AUTS2: variants seen among roughly 807,000 people sequenced by gnomAD.
AUTS2 encodes autism susceptibility gene 2 protein.
In AUTS2, 17 loss-of-function variants were observed where a neutral mutation model predicts 112.4. The ratio of observed to expected loss-of-function variants is 0.15; its 90% CI spans 0.10 to 0.23. The LOEUF is 0.23. Ranked by LOEUF, AUTS2 falls within the 10% of genes least tolerant of loss-of-function variation. The pLI is 1.00. For missense variants in AUTS2, 1,510 were observed against 1,701.6 expected (o/e 0.89, Z 1.98); for synonymous variants, 751 against 702.7 (o/e 1.07, Z -1.09).
Position 69,746,562 on chromosome 7 carries a change from A to C in AUTS2, c.309+146600A>C, listed in dbSNP as rs569142477. ...TGGAATGAGCTGCGCAACTCTTCTT[A>C]GGAGAACATTAGTCTGGGTGGAGAC... On this transcript the variant is annotated intron_variant, in intron 1 of 18. Transcript: ENST00000342771. Among the ~76,000 whole-genome samples the C allele has an allele frequency of 6.6e-5, 10 of 152,274 alleles. No individual in the cohort carries two copies. In the East Asian group the frequency reaches 1.9e-3, roughly 29 times the overall value.
intron 2 of AUTS2, among the ~76,000 whole-genome samples, chr7:70,000,791 A>G (rs2129552669): frequency 6.6e-6 from 1 of 152,330 alleles, no homozygotes; most frequent in Admixed American, 6.5e-5. Context: ...TCAGATTAGC[A>G]GATGGCACCA....
chr7:70,135,183 A>G (rs1004373707), intron 4 of AUTS2, among the ~76,000 whole-genome samples: 2 of 152,188 alleles, frequency 1.3e-5, no homozygotes, highest in African/African-American at 4.8e-5. Flanking sequence ...GATTATCACA[A>G]TATTGTGATA....
rs1230448055 is a variant in AUTS2, at chr7:70,177,832, T to C, written c.660+43261T>C. 2.5e-5 allele frequency among the ~76,000 whole-genome samples: 3 copies of C among 119,154 alleles called. No homozygotes were observed. The East Asian group carries it at 7.4e-4, about 29-fold the overall frequency. 78.2% of individuals were successfully genotyped at this position (119,154 alleles called of 152,430 possible). A position where few individuals can be genotyped will look rare whatever the true frequency, so the allele number is the denominator to read the frequency against. ...TCTGCATTCTCATTGTTTGGACTTT[T>C]TTCAAATCATTGCTAATACACTGGT... is the stretch of plus-strand genomic sequence containing the variant. On this transcript the variant is annotated intron_variant, in intron 4 of 18. Coordinates refer to ENST00000342771, the MANE Select transcript of AUTS2 (RefSeq NM_015570.4).
chr7:69,791,045 G>A (rs557502964), intron 1 of AUTS2, among the ~76,000 whole-genome samples: 1 of 152,318 alleles, frequency 6.6e-6, no homozygotes, highest in South Asian at 2.1e-4. Context: ...GTTGAGCAGG[G>A]ATCTTCTTGA....
intron 2 of AUTS2, among the ~76,000 whole-genome samples, chr7:70,030,370 C>T (rs945180197): frequency 1.3e-5 from 2 of 152,130 alleles, no homozygotes; most frequent in Admixed American, 6.6e-5. Flanking sequence ...TGTTAAAGCT[C>T]AGACTTATTT....
At chr7:69,978,859 A>AACACACACACAC (rs71068004) in intron 2 of AUTS2, among the ~76,000 whole-genome samples, 1,944 of 129,674 alleles carry the variant, frequency 0.015, 39 homozygotes, top group East Asian at 0.05. Flanking sequence ...TCAAAGAAAC[A>AACACACACACAC]ACACACACAC....
chr7:69,952,764 A>G (rs1797075321), intron 2 of AUTS2, among the ~76,000 whole-genome samples: 1 of 152,204 alleles, frequency 6.6e-6, no homozygotes, highest in Non-Finnish European at 1.5e-5. Context: ...GGCTTTTGGT[A>G]AGACATTAAT....
rs146400431 is a variant in AUTS2, at chr7:70,111,803, A to C, written c.523-6329A>C. Among the ~76,000 whole-genome samples the C allele has an allele frequency of 1.9e-3, 294 of 152,240 alleles. 1 individual carries two copies. The highest frequency in any genetic ancestry group is 6.3e-3 in the African/African-American group (262 of 41,564). ...TTTAGACTGCTTAATTATGGTTTTG[A>C]AAGTATCACTGTAGAATGTTTACTT... On this transcript the variant is annotated intron_variant, in intron 2 of 18. Coordinates refer to ENST00000342771, the MANE Select transcript of AUTS2 (RefSeq NM_015570.4).
chr7:70,330,082 G>A (rs765885341), intron 4 of AUTS2, among the ~76,000 whole-genome samples: 38 of 152,116 alleles, frequency 2.5e-4, no homozygotes, highest in Non-Finnish European at 5.1e-4. Flanking sequence ...CTATTGCATT[G>A]GAGATTAAAT....
chr7:70,476,246 A>AT (rs1797576910), intron 5 of AUTS2, among the ~76,000 whole-genome samples: 1 of 152,046 alleles, frequency 6.6e-6, no homozygotes, highest in African/African-American at 2.4e-5. Context: ...AGGACAAATG[A>AT]TTCGTCCAGT....
rs528009205 is a variant in AUTS2 at position 70,108,783 on chromosome 7, C to CAAAAAAAAAAAAAA, written c.523-9331_523-9318dup. Among the ~76,000 whole-genome samples the CAAAAAAAAAAAAAA allele has an allele frequency of 5.8e-5, 4 of 69,184 alleles. 1 individual carries two copies. Among genetic ancestry groups the CAAAAAAAAAAAAAA allele is most frequent in the Admixed American group, 1.6e-4 (1 of 6,100 alleles). The allele number at this position is 69,184 out of a possible 152,430, so 45.4% of individuals were successfully genotyped here. A position where few individuals can be genotyped will look rare whatever the true frequency, so the allele number is the denominator to read the frequency against. On this transcript the variant is annotated intron_variant, in intron 2 of 18. Transcript: ENST00000342771. ...TTCCAGACCAGCCTGGCCAACATGGCAAAAAAAAAAAAAAAAAAAAAAAAA... is the reference window on the plus strand; with the variant it reads ...TTCCAGACCAGCCTGGCCAACATGGCAAAAAAAAAAAAAAAAAAAAAAAAAAAAAAAAAAAAAAA...
intron 2 of AUTS2, among the ~76,000 whole-genome samples, chr7:70,078,173 A>G (rs1191875218): frequency 6.6e-6 from 1 of 152,070 alleles, no homozygotes; most frequent in Non-Finnish European, 1.5e-5. Context: ...ATGTTCCAAG[A>G]CACCCAGTGG....
chr7:70,234,005 A>G lies in AUTS2; in HGVS notation c.660+99434A>G, dbSNP rs368560454. On this transcript the variant is annotated intron_variant, in intron 4 of 18. Coordinates refer to ENST00000342771, the MANE Select transcript of AUTS2 (RefSeq NM_015570.4). The stretch of plus-strand genomic sequence containing the variant: ...GCTTTTGAAGTGATCAAACTAAAAG[A>G]GAAAACAAAGCTCATGGCTGAAGTC... 2.5e-3 allele frequency among the ~76,000 whole-genome samples: 380 copies of G among 152,358 alleles called. 8 individuals carry two copies. The highest frequency in any genetic ancestry group is 0.019 in the South Asian group (90 of 4,830).
intron 2 of AUTS2, among the ~76,000 whole-genome samples, chr7:69,910,293 C>T (rs1159960016): frequency 6.6e-6 from 1 of 152,188 alleles, no homozygotes; most frequent in Non-Finnish European, 1.5e-5. Context: ...TGCTCATGCT[C>T]ACTGGGCACT....
chr7:70,002,191 G>C (rs765477052), intron 2 of AUTS2, among the ~76,000 whole-genome samples: 1 of 152,160 alleles, frequency 6.6e-6, no homozygotes, highest in Non-Finnish European at 1.5e-5. Flanking sequence ...TTTAGCAAGA[G>C]GTCTGGGCCA....
At chr7:69,829,393 G>A (rs979166575) in intron 1 of AUTS2, among the ~76,000 whole-genome samples, 1 of 152,088 alleles carries the variant, frequency 6.6e-6, no homozygotes, top group Non-Finnish European at 1.5e-5. Context: ...ATGGACAAAT[G>A]GGATCTAATT....
chr7:70,198,281 C>T (rs950604066), intron 4 of AUTS2, among the ~76,000 whole-genome samples: 7 of 149,616 alleles, frequency 4.7e-5, no homozygotes, highest in Non-Finnish European at 7.5e-5. Context: ...AAACGCAGAG[C>T]GCCTCTCCTC....
chr7:70,211,118 A>C (rs1810859772), intron 4 of AUTS2, among the ~76,000 whole-genome samples: 1 of 152,142 alleles, frequency 6.6e-6, no homozygotes, highest in South Asian at 2.1e-4. Flanking sequence ...TCGGTGCTTC[A>C]TGTGAGATGG....
chr7:69,879,371 A>G (rs6963101), intron 1 of AUTS2, among the ~76,000 whole-genome samples: 36,832 of 147,602 alleles, frequency 0.25, 4,519 homozygotes, highest in Middle Eastern at 0.34. Context: ...GCTGATCCTG[A>G]CCTCCTGGGC....
Sources: allele counts gnomAD v4.1 joint callset (sites outside exome capture counted in the v4.1 genomes callset), GRCh38; gene constraint gnomAD v4.1.1; transcripts MANE v1.5; gene names NCBI Gene and HGNC (gene_info 2026-07-23, HGNC 2026-07-21).